Variants in PTGER3 observed in about 807,000 individuals in gnomAD.
PTGER3 encodes the protein prostaglandin E2 receptor EP3 subtype.
In PTGER3, 22 loss-of-function variants were observed where a neutral mutation model predicts 34.7. The ratio of observed to expected loss-of-function variants is 0.63; its 90% CI spans 0.45 to 0.91. The LOEUF (loss-of-function observed/expected upper bound fraction) is 0.91. PTGER3 is among the 40% of genes least tolerant of loss of function. PTGER3 has a pLI of 0.00. For missense variants in PTGER3, 468 were observed against 519.4 expected (o/e 0.90, Z 0.96); for synonymous variants, 241 against 230.1 (o/e 1.05, Z -0.43).
At chr1:70,993,212 G>A (rs1021563976) in intron 2 of PTGER3, among the ~76,000 whole-genome samples, 2 of 152,094 alleles carry the variant, frequency 1.3e-5, no homozygotes, top group African/African-American at 2.4e-5. Context: ...ACTGTCCTAC[G>A]TTTGTTACAT....
chr1:71,011,145 A>G, intron 2 of PTGER3: 1 of 985,756 alleles, frequency 1.0e-6, no homozygotes, highest in Non-Finnish European at 1.2e-6. Flanking sequence ...GTGCACAAAT[A>G]CGTCAAGCTT....
At chr1:70,951,014 C>A (rs141257234), downstream of PTGER3, 91 of 152,156 alleles carry the variant, frequency 6.0e-4, 1 homozygote, top group African/African-American at 2.0e-3. Flanking sequence ...TGTGCCAGGC[C>A]CATTTCATGC....
At position 70,908,139 on chromosome 1, in the gene PTGER3, G is replaced by T. The variant is rs1233048099; in HGVS notation, c.*23+45624C>A. On this transcript the variant is annotated intron_variant, in intron 4 of 4. Coordinates refer to the PTGER3 transcript ENST00000370931. ...GCAATAGGCCGAAAGTGTTGGAAAT[G>T]AGTACCTCCCAGGGTGTGGAATACA... 4.6e-5 allele frequency among the ~76,000 whole-genome samples: 7 copies of T among 152,300 alleles called. No individual in the cohort carries two copies. The South Asian group carries it at 1.2e-3, about 27-fold the overall frequency.
intron 1 of PTGER3, among the ~76,000 whole-genome samples, chr1:71,036,845 A>C (rs1490044419): frequency 6.6e-6 from 1 of 151,952 alleles, no homozygotes; most frequent in Non-Finnish European, 1.5e-5. Flanking sequence ...TCTCAAAAAA[A>C]AAAAAGAAAG....
intron 2 of PTGER3, among the ~76,000 whole-genome samples, chr1:70,958,720 G>A (rs1288866134): frequency 6.6e-6 from 1 of 152,074 alleles, no homozygotes; most frequent in Non-Finnish European, 1.5e-5. Context: ...TGTTGCCAGG[G>A]CTTTTGAAGT....
At chr1:71,010,035 A>G (rs944774583) in intron 2 of PTGER3, 21 of 985,074 alleles carry the variant, frequency 2.1e-5, no homozygotes, top group Non-Finnish European at 2.5e-5. Context: ...CTCCCTTTCA[A>G]GCTTGTTAAA....
chr1:71,036,745 A>G (rs1659865529), intron 1 of PTGER3, among the ~76,000 whole-genome samples: 1 of 151,654 alleles, frequency 6.6e-6, no homozygotes, highest in Admixed American at 6.6e-5. Flanking sequence ...AGGCTGAGGC[A>G]GGAGAATGGC....
At chr1:70,959,165 G>A (rs1049900991) in intron 2 of PTGER3, among the ~76,000 whole-genome samples, 4 of 152,140 alleles carry the variant, frequency 2.6e-5, no homozygotes, top group African/African-American at 9.7e-5. Flanking sequence ...GTCTTCCGTG[G>A]TTCCACATAA....
At chr1:70,973,898 C>A (rs1199878331) in intron 3 of PTGER3, among the ~76,000 whole-genome samples, 1 of 152,114 alleles carries the variant, frequency 6.6e-6, no homozygotes, top group Non-Finnish European at 1.5e-5. Flanking sequence ...TAGATCTAAT[C>A]AAAAATGCGA....
chr1:70,903,535 A>G (rs534220656), intron 4 of PTGER3, among the ~76,000 whole-genome samples: 1 of 152,334 alleles, frequency 6.6e-6, no homozygotes, highest in Admixed American at 6.5e-5. Context: ...TCAAAGAAAT[A>G]AAATCACCTT....
chr1:70,852,857 C>T (rs547521466), exon 5 of PTGER3: 2 of 1,613,210 alleles, frequency 1.2e-6, no homozygotes, highest in African/African-American at 2.7e-5. Context: ...CCCAAAATTC[C>T]TCCTGGAAAA....
intron 4 of PTGER3, among the ~76,000 whole-genome samples, chr1:70,936,669 G>C (rs1649260444): frequency 6.6e-6 from 1 of 152,110 alleles, no homozygotes; most frequent in Non-Finnish European, 1.5e-5. Context: ...GAAGTTTGTG[G>C]TAAGACTATG....
At chr1:70,885,210 G>A (rs1307383120) in intron 4 of PTGER3, among the ~76,000 whole-genome samples, 1 of 151,414 alleles carries the variant, frequency 6.6e-6, no homozygotes, top group Non-Finnish European at 1.5e-5. Context: ...TCTCTGAGTT[G>A]GACTTCTGAG....
intron 4 of PTGER3, among the ~76,000 whole-genome samples, chr1:70,914,392 A>G (rs576275491): frequency 6.6e-6 from 1 of 151,918 alleles, no homozygotes; most frequent in Non-Finnish European, 1.5e-5. Flanking sequence ...AATGGTTGTC[A>G]TATTTTCTTA....
chr1:70,978,892 C>T (rs1203058339), intron 2 of PTGER3, among the ~76,000 whole-genome samples: 1 of 152,080 alleles, frequency 6.6e-6, no homozygotes, highest in African/African-American at 2.4e-5. Context: ...GATATGAAGC[C>T]ACTTTCTTTT....
rs112703448 is a variant in PTGER3 at position 70,869,185 on chromosome 1, G to T, written c.*24-16326C>A. On this transcript the variant is annotated intron_variant, in intron 4 of 4. Transcript: ENST00000370931. ...CAAGAGCAAGAGAGACTGTATGTGTGTCGGGGCAGGGGTGGTATCACACTT... is the reference window on the plus strand; with the variant it reads ...CAAGAGCAAGAGAGACTGTATGTGTTTCGGGGCAGGGGTGGTATCACACTT... 7.0e-3 allele frequency: 3,032 copies of T among 435,012 alleles called. 77 individuals are homozygous for T. Among genetic ancestry groups the T allele is most frequent in the African/African-American group, 0.056 (2,778 of 49,276 alleles). 26.9% of individuals were successfully genotyped at this position (435,012 alleles called of 1,614,324 possible).
chr1:70,897,299 A>G (rs1646742360), intron 4 of PTGER3, among the ~76,000 whole-genome samples: 1 of 152,152 alleles, frequency 6.6e-6, no homozygotes, highest in African/African-American at 2.4e-5. Flanking sequence ...CTAACCGGCA[A>G]TCCATTCACT....
chr1:70,905,396 C>T lies in PTGER3; in HGVS notation c.*23+48367G>A, dbSNP rs554410345. Among the ~76,000 whole-genome samples, 94 of 152,188 alleles carry T rather than the reference C, an allele frequency of 6.2e-4. 1 individual carries two copies. The highest frequency in any genetic ancestry group is 4.2e-3 in the South Asian group (20 of 4,816). ...CTCCACTGACAGCCTGCACCATGCA[C>T]CTGGAAAAGCCTCAGACACTCAACA... On this transcript the variant is annotated intron_variant, in intron 4 of 4. Coordinates refer to the PTGER3 transcript ENST00000370931.
At chr1:70,981,917 C>T (rs1472602145) in intron 2 of PTGER3, among the ~76,000 whole-genome samples, 1 of 152,084 alleles carries the variant, frequency 6.6e-6, no homozygotes, top group Non-Finnish European at 1.5e-5. Flanking sequence ...ATGCTGCCCC[C>T]ACAGTTATCC....
Sources: allele counts gnomAD v4.1 joint callset (sites outside exome capture counted in the v4.1 genomes callset), GRCh38; gene constraint gnomAD v4.1.1; transcripts MANE v1.5; gene names NCBI Gene and HGNC (gene_info 2026-07-23, HGNC 2026-07-21).